OCM: variants seen among roughly 807,000 people sequenced by gnomAD.
OCM encodes the protein oncomodulin-1.
Under a neutral mutation model 14.1 loss-of-function variants are expected in OCM, and 18 were observed. The observed-to-expected ratio is 1.28, with a 90% confidence interval of 0.88 to 1.89. The LOEUF (loss-of-function observed/expected upper bound fraction) is 1.89. OCM is among the 40% of genes most tolerant of loss of function. OCM has a pLI of 0.00. For synonymous variants in OCM, 48 were observed against 51.0 expected, an observed-to-expected ratio of 0.94 and a Z score of 0.25; for missense variants, 140 against 137.6, an observed-to-expected ratio of 1.02 and a Z score of -0.09.
the OCM span, among the ~76,000 whole-genome samples, chr7:5,872,239 T>A: frequency 6.6e-6 from 1 of 152,090 alleles, no homozygotes; most frequent in Non-Finnish European, 1.5e-5. Context: ...TTCCTGGGGA[T>A]CCCCCATCCT....
upstream of OCM, among the ~76,000 whole-genome samples, chr7:5,877,819 CAAAAAAAAAAAA>C (rs535302724): frequency 9.0e-5 from 5 of 55,304 alleles, no homozygotes; most frequent in Admixed American, 3.0e-4. Context: ...GACTCCATCT[CAAAAAAAAAAAA>C]AAAAAAAAAA....
chr7:5,876,724 T>G (rs142334749), upstream of OCM, among the ~76,000 whole-genome samples: 69 of 152,206 alleles, frequency 4.5e-4, no homozygotes, highest in East Asian at 0.013. Flanking sequence ...GAGAATATAT[T>G]TGGGGCAAAG....
At chr7:5,874,630 G>A in the OCM span, among the ~76,000 whole-genome samples, 2 of 151,736 alleles carry the variant, frequency 1.3e-5, no homozygotes, top group Non-Finnish European at 2.9e-5. Flanking sequence ...TCAGCCTCCC[G>A]AGTAGCTGGG....
At chr7:5,881,853 G>A (rs1562530212) in intron 1 of OCM, among the ~76,000 whole-genome samples, 2 of 151,878 alleles carry the variant, frequency 1.3e-5, no homozygotes, top group Admixed American at 1.3e-4. Context: ...TTGGGAGGCC[G>A]AGGCCGGTGC....
the OCM span, among the ~76,000 whole-genome samples, chr7:5,860,480 TATATAC>T: frequency 7.0e-6 from 1 of 142,470 alleles, no homozygotes; most frequent in African/African-American, 2.5e-5. Flanking sequence ...TATACGTGTA[TATATAC>T]GTGTATATAT....
At position 5,886,048 on chromosome 7, in the gene OCM, A is replaced by T. The variant is rs745865383; in HGVS notation, c.305-16A>T. On this transcript the variant is annotated splice_polypyrimidine_tract_variant and intron_variant, in intron 3 of 3. Coordinates refer to ENST00000242104, the MANE Select transcript of OCM (RefSeq NM_001097622.2). Reference sequence around the variant, plus strand: ...AGCCACCTCCACTGACCCTGTTCTCACCTCTTCTGTTCTAGAATTCCAGGA... The same window carrying T: ...AGCCACCTCCACTGACCCTGTTCTCTCCTCTTCTGTTCTAGAATTCCAGGA... 1 of 1,613,918 alleles carries T rather than the reference A, an allele frequency of 6.2e-7. No individual in the cohort carries two copies. Among genetic ancestry groups the T allele is most frequent in the South Asian group, 1.1e-5 (1 of 91,072 alleles).
At chr7:5,873,985 G>T in the OCM span, among the ~76,000 whole-genome samples, 31 of 151,664 alleles carry the variant, frequency 2.0e-4, no homozygotes, top group African/African-American at 6.0e-4. Flanking sequence ...GGAGGCTGAG[G>T]GGGGCGGACT....
At chr7:5,870,599 T>C in the OCM span, among the ~76,000 whole-genome samples, 1 of 152,190 alleles carries the variant, frequency 6.6e-6, no homozygotes, top group Non-Finnish European at 1.5e-5. Flanking sequence ...GGCTGGTACA[T>C]TCTGGCCATC....
the OCM span, among the ~76,000 whole-genome samples, chr7:5,860,502 ACG>A: frequency 8.4e-6 from 1 of 119,460 alleles, no homozygotes; most frequent in African/African-American, 3.0e-5. Flanking sequence ...TATATATATT[ACG>A]TATATATACG....
intron 1 of OCM, among the ~76,000 whole-genome samples, chr7:5,881,334 AAGT>A (rs1441549392): frequency 3.3e-5 from 5 of 150,796 alleles, no homozygotes; most frequent in Non-Finnish European, 7.4e-5. Flanking sequence ...AAAAAAAAAA[AAGT>A]AGACCAGGCA....
chr7:5,886,086 T>G lies in OCM; in HGVS notation c.327T>G (p.Ser109=), dbSNP rs1462558927. The change falls in exon 4 of 4, where the codon TCT becomes TCG. Residue 109 remains serine (S), a synonymous_variant. Transcript: ENST00000242104. ...TAGAATTCCAGGAAATGGTGCATTC[T>G]TAAAAGCCCCAGTCTCTGGAGAAAA... ...GAEEFQEMVH[S] is the part of the protein sequence containing the mutation. 1 of 1,613,570 alleles carries G rather than the reference T, an allele frequency of 6.2e-7. No homozygotes were observed. The highest frequency in any genetic ancestry group is 1.7e-5 in the Admixed American group (1 of 59,976).
the OCM span, among the ~76,000 whole-genome samples, chr7:5,865,454 A>G: frequency 5.3e-5 from 8 of 152,224 alleles, no homozygotes; most frequent in African/African-American, 1.9e-4. Flanking sequence ...ACCCCAACTC[A>G]TTAGACAGAG....
At chr7:5,866,804 G>C in the OCM span, among the ~76,000 whole-genome samples, 1 of 152,118 alleles carries the variant, frequency 6.6e-6, no homozygotes, top group Non-Finnish European at 1.5e-5. Context: ...TTTATTGTGA[G>C]CAAGAAGACA....
upstream of OCM, among the ~76,000 whole-genome samples, chr7:5,876,455 G>A (rs1781097512): frequency 6.6e-6 from 1 of 152,094 alleles, no homozygotes; most frequent in South Asian, 2.1e-4. Flanking sequence ...TCAATCTTCA[G>A]AAACTTCTTT....
the OCM span, among the ~76,000 whole-genome samples, chr7:5,865,305 A>G: frequency 0.019 from 2,919 of 152,262 alleles, 100 homozygotes; most frequent in African/African-American, 0.067. Flanking sequence ...CGTCTAGAAA[A>G]CCAGGACATG....
chr7:5,881,502 T>C (rs946098040), intron 1 of OCM, among the ~76,000 whole-genome samples: 4 of 151,856 alleles, frequency 2.6e-5, no homozygotes, highest in African/African-American at 9.7e-5. Context: ...TGGTGGCATG[T>C]GCCTGTGGTC....
At chr7:5,876,650 G>A (rs1052120989), upstream of OCM, among the ~76,000 whole-genome samples, 1 of 152,178 alleles carries the variant, frequency 6.6e-6, no homozygotes, top group African/African-American at 2.4e-5. Context: ...ATTTAAGAGA[G>A]GCTGCAGGTA....
At chr7:5,865,109 C>G in the OCM span, among the ~76,000 whole-genome samples, 1 of 151,856 alleles carries the variant, frequency 6.6e-6, no homozygotes, top group East Asian at 1.9e-4. Context: ...CATCATGACC[C>G]AGTCACCCGA....
At chr7:5,864,490 G>A in the OCM span, among the ~76,000 whole-genome samples, 18 of 151,970 alleles carry the variant, frequency 1.2e-4, no homozygotes, top group Middle Eastern at 3.2e-3. Context: ...GCCTCTTAGC[G>A]TCACCATCTC....
Sources: allele counts gnomAD v4.1 joint callset (sites outside exome capture counted in the v4.1 genomes callset), GRCh38; gene constraint gnomAD v4.1.1; transcripts MANE v1.5; gene names NCBI Gene and HGNC (gene_info 2026-07-23, HGNC 2026-07-21).